The following DENND5B variants were observed in gnomAD, a reference collection of about 807,000 sequenced individuals.
DENND5B encodes the protein DENN domain-containing protein 5B.
A neutral mutation model predicts 140.6 loss-of-function variants in DENND5B; 34 were observed. The observed-to-expected ratio is 0.24, with a 90% CI of 0.18 to 0.32. The LOEUF (loss-of-function observed/expected upper bound fraction) is 0.32, where lower values mean the gene tolerates loss of function less well. Ranked by LOEUF, DENND5B falls within the 10% of genes least tolerant of loss-of-function variation. DENND5B has a pLI of 1.00. For synonymous variants in DENND5B, 551 were observed against 562.1 expected (o/e 0.98, Z 0.28); for missense variants, 1,142 against 1,560.2 (o/e 0.73, Z 4.52).
chr12:31,429,021 G>A (rs953652780), intron 8 of DENND5B, among the ~76,000 whole-genome samples: 1 of 132,556 alleles, frequency 7.5e-6, no homozygotes, highest in African/African-American at 2.9e-5. Flanking sequence ...GTGAGCCACT[G>A]CACCCGGCCA....
At chr12:31,563,452 A>T (rs1949539296) in intron 1 of DENND5B, among the ~76,000 whole-genome samples, 1 of 152,200 alleles carries the variant, frequency 6.6e-6, no homozygotes, top group Non-Finnish European at 1.5e-5. Context: ...TGTAAAGCAG[A>T]GAGTTAATGT....
intron 2 of DENND5B, among the ~76,000 whole-genome samples, chr12:31,485,239 G>A (rs1946254211): frequency 6.6e-6 from 1 of 152,308 alleles, no homozygotes; most frequent in Non-Finnish European, 1.5e-5. Flanking sequence ...AAAGTTTAAC[G>A]AATTGGGCTA....
chr12:31,477,170 G>A (rs1478129792), intron 3 of DENND5B, among the ~76,000 whole-genome samples: 7 of 151,740 alleles, frequency 4.6e-5, no homozygotes, highest in Admixed American at 1.3e-4. Flanking sequence ...GGTGGTTGCA[G>A]TGAGCCAAGA....
chr12:31,416,298 T>C (rs1443917528), intron 11 of DENND5B, among the ~76,000 whole-genome samples: 3 of 151,974 alleles, frequency 2.0e-5, no homozygotes, highest in African/African-American at 7.3e-5. Context: ...GCTCTGTTGC[T>C]CTGTTGCCAG....
chr12:31,478,617 C>T (rs1945928706), intron 3 of DENND5B, among the ~76,000 whole-genome samples: 1 of 152,026 alleles, frequency 6.6e-6, no homozygotes, highest in African/African-American at 2.4e-5. Context: ...GGGAAGACAG[C>T]TTGAGCACGG....
intron 1 of DENND5B, among the ~76,000 whole-genome samples, chr12:31,502,527 A>T (rs775798286): frequency 6.6e-5 from 10 of 152,170 alleles, no homozygotes; most frequent in Non-Finnish European, 1.5e-4. Flanking sequence ...AGCAGCTTTG[A>T]AGAGTGTAAA....
chr12:31,551,615 C>T lies in DENND5B; in HGVS notation c.127+39091G>A, dbSNP rs572011537. ...ATTCTGTGAAGAAAGTCATTGGTTGCTTGATGGGGATGGCATTGAATCTAT... is the reference window on the plus strand; with the variant it reads ...ATTCTGTGAAGAAAGTCATTGGTTGTTTGATGGGGATGGCATTGAATCTAT... On this transcript the variant is annotated intron_variant, in intron 1 of 20. Coordinates refer to ENST00000389082, the MANE Select transcript of DENND5B (RefSeq NM_144973.4). 4.1e-3 allele frequency among the ~76,000 whole-genome samples: 630 copies of T among 152,198 alleles called. 5 individuals are homozygous for T. Among genetic ancestry groups the T allele is most frequent in the African/African-American group, 0.014 (575 of 41,516 alleles).
intron 2 of DENND5B, among the ~76,000 whole-genome samples, chr12:31,485,373 C>A (rs1226246875): frequency 6.6e-6 from 1 of 152,156 alleles, no homozygotes; most frequent in African/African-American, 2.4e-5. Context: ...AAAATGCTTT[C>A]CAAGAGTTCA....
intron 7 of DENND5B, among the ~76,000 whole-genome samples, chr12:31,439,392 A>C (rs1943923319): frequency 1.3e-5 from 2 of 151,476 alleles, no homozygotes; most frequent in African/African-American, 4.9e-5. Flanking sequence ...TCAAAATTAA[A>C]CTCCTCCCTC....
intron 12 of DENND5B, among the ~76,000 whole-genome samples, chr12:31,414,847 G>A (rs574905918): frequency 6.6e-6 from 1 of 151,870 alleles, no homozygotes; most frequent in South Asian, 2.1e-4. Context: ...GCTTGAACCC[G>A]GGAGACAGAG....
At chr12:31,455,011 A>G (rs987976355) in intron 4 of DENND5B, among the ~76,000 whole-genome samples, 1 of 151,078 alleles carries the variant, frequency 6.6e-6, no homozygotes, top group Admixed American at 6.6e-5. Flanking sequence ...TAGCAGAGAC[A>G]GGGTTTCACC....
intron 20 of DENND5B, 49 bp from the exon 21 acceptor site, chr12:31,387,835 A>C: frequency 6.4e-7 from 1 of 1,569,832 alleles, no homozygotes. Context: ...GCCTCGCTGC[A>C]GAACAAGGCA....
chr12:31,567,157 T>G (rs1362470595), intron 1 of DENND5B, among the ~76,000 whole-genome samples: 4 of 152,118 alleles, frequency 2.6e-5, no homozygotes, highest in Non-Finnish European at 5.9e-5. Context: ...TACAATAAAG[T>G]TGCCAAATTC....
chr12:31,440,003 T>C (rs1943963789), intron 7 of DENND5B, among the ~76,000 whole-genome samples: 1 of 148,726 alleles, frequency 6.7e-6, no homozygotes, highest in Admixed American at 6.7e-5. Context: ...ATCAAAGTGA[T>C]TCGAACAATT....
At chr12:31,555,089 T>G (rs113595496) in intron 1 of DENND5B, among the ~76,000 whole-genome samples, 2,624 of 152,308 alleles carry the variant, frequency 0.017, 77 homozygotes, top group African/African-American at 0.059. Context: ...CTTTGTTCCG[T>G]TGCTGGTGAG....
chr12:31,447,573 G>C lies in DENND5B; in HGVS notation c.1826C>G (p.Ser609Cys). The change falls in exon 6 of 21, where the codon TCT becomes TGT. Residue 609 changes from serine (S) to cysteine (C), a missense_variant. Transcript: ENST00000389082. Reference sequence around the variant, plus strand: ...TAAAGTGCTGCATTTCTGATATATAGATGTCCGCAAGGTGGGTGCCCTTAC... The same window carrying C: ...TAAAGTGCTGCATTTCTGATATATACATGTCCGCAAGGTGGGTGCCCTTAC... ...YNVRAPTLRTSIYQKCSTLKE... is the reference protein window; with the variant it reads ...YNVRAPTLRTCIYQKCSTLKE... 6.2e-7 allele frequency: 1 copy of C among 1,613,732 alleles called. No individual in the cohort carries two copies. Among genetic ancestry groups the C allele is most frequent in the Non-Finnish European group, 8.5e-7 (1 of 1,179,768 alleles).
chr12:31,460,292 C>G lies in DENND5B; in HGVS notation c.994G>C (p.Ala332Pro). The G allele has an allele frequency of 6.2e-7, 1 of 1,613,850 alleles. No homozygotes were observed. The change falls in exon 4 of 21, where the codon GCT (alanine) becomes CCT (proline). Residue 332 changes from alanine to proline, a missense_variant. Around this residue, in one of 5 missense-constraint regions of DENND5B, gnomAD observed 708 missense variants for 905.5 expected, o/e 0.78. Transcript: ENST00000389082. Reference protein sequence around the residue: ...WQHVYVPILPASLLHFLDAPV... With the variant: ...WQHVYVPILPPSLLHFLDAPV... ...GCATCAAGAAAATGTAGCAGAGAAG[C>G]AGGTAGAATGGGCACATAAACATGT...
chr12:31,434,505 C>T (rs1943654105), intron 7 of DENND5B, among the ~76,000 whole-genome samples: 1 of 152,130 alleles, frequency 6.6e-6, no homozygotes, highest in Non-Finnish European at 1.5e-5. Flanking sequence ...CTCATGTGCC[C>T]TAGACCCAGA....
At chr12:31,481,810 C>T (rs793179) in intron 2 of DENND5B, among the ~76,000 whole-genome samples, 122,397 of 152,092 alleles carry the variant, frequency 0.8, 49,639 homozygotes, top group African/African-American at 0.89. Flanking sequence ...CAGAATTAGA[C>T]GTGCCTCTTA....
Sources: gnomAD v4.1 joint callset for allele counts (sites outside exome capture counted in the v4.1 genomes callset) on GRCh38, gnomAD v4.1.1 for gene constraint, gnomAD v4.1.1 regional missense constraint, MANE v1.5 for transcripts, NCBI Gene and HGNC (gene_info 2026-07-23, HGNC 2026-07-21) for gene names.